The following MYO18B variants were observed in gnomAD, a reference collection of about 807,000 sequenced individuals.
MYO18B encodes the protein unconventional myosin-XVIIIb.
MYO18B carries 204 observed loss-of-function variants against 273.0 expected under a neutral mutation model. The ratio of observed to expected loss-of-function variants is 0.75; its 90% CI spans 0.67 to 0.84. The LOEUF is 0.84. Among genes scored for constraint, MYO18B ranks in the 40% least tolerant of loss-of-function variants. MYO18B has a pLI of 0.00. For missense variants in MYO18B, 3,212 were observed against 3,287.6 expected, an observed-to-expected ratio of 0.98 and a Z score of 0.56; for synonymous variants, 1,330 against 1,305.7, an observed-to-expected ratio of 1.02 and a Z score of -0.40.
chr22:25,808,079 G>T (rs750422011), intron 12 of MYO18B, among the ~76,000 whole-genome samples: 21 of 152,110 alleles, frequency 1.4e-4, no homozygotes, highest in Non-Finnish European at 2.8e-4. Flanking sequence ...TTTGCTCTCT[G>T]TTTTATTACC....
At chr22:25,888,935 C>CACTCTTTTTGAAAGATGTTTTGTTT (rs2091579282) in intron 25 of MYO18B, among the ~76,000 whole-genome samples, 4 of 152,054 alleles carry the variant, frequency 2.6e-5, no homozygotes, top group African/African-American at 9.7e-5. Context: ...AGATTTTGTT[C>CACTCTTTTTGAAAGATGTTTTGTTT]ACTCTTTTTG....
At chr22:25,881,546 G>C (rs537008757) in intron 25 of MYO18B, among the ~76,000 whole-genome samples, 151 of 152,346 alleles carry the variant, frequency 9.9e-4, no homozygotes, top group African/African-American at 3.6e-3. Context: ...CCTTCCCACC[G>C]AGCTGACATT....
chr22:26,042,577 ATGAG>A, the MYO18B span, among the ~76,000 whole-genome samples: 1 of 152,234 alleles, frequency 6.6e-6, no homozygotes, highest in East Asian at 1.9e-4. Flanking sequence ...ATACATAGCT[ATGAG>A]TGTTACAGGA....
chr22:25,967,500 C>CT (rs1295474170), intron 39 of MYO18B, among the ~76,000 whole-genome samples: 1 of 152,016 alleles, frequency 6.6e-6, no homozygotes, highest in Non-Finnish European at 1.5e-5. Flanking sequence ...TTTTACTGTT[C>CT]TTTTTTGACA....
At chr22:25,886,206 G>A (rs947834863) in intron 25 of MYO18B, among the ~76,000 whole-genome samples, 11 of 152,214 alleles carry the variant, frequency 7.2e-5, no homozygotes, top group African/African-American at 2.2e-4. Context: ...CTGTGGTGGC[G>A]ATGGTTATTA....
chr22:25,774,635 C>T (rs1351815236), intron 7 of MYO18B, among the ~76,000 whole-genome samples: 3 of 152,220 alleles, frequency 2.0e-5, no homozygotes, highest in Admixed American at 6.5e-5. Flanking sequence ...ACACTCAAAC[C>T]CACAGCCACC....
At chr22:25,821,029 G>A (rs1162531370) in intron 12 of MYO18B, among the ~76,000 whole-genome samples, 1 of 152,128 alleles carries the variant, frequency 6.6e-6, no homozygotes, top group African/African-American at 2.4e-5. Context: ...TGTCTGAATA[G>A]TATTCCATTG....
chr22:25,826,232 C>T (rs1188240395), intron 13 of MYO18B, among the ~76,000 whole-genome samples, 177 bp from the exon 14 acceptor site: 1 of 152,100 alleles, frequency 6.6e-6, no homozygotes, highest in Non-Finnish European at 1.5e-5. Context: ...CGCTGTAGGC[C>T]CTGAAAGGAC....
intron 11 of MYO18B, among the ~76,000 whole-genome samples, chr22:25,795,008 G>C (rs1475026974): frequency 6.6e-6 from 1 of 152,194 alleles, no homozygotes; most frequent in Non-Finnish European, 1.5e-5. Flanking sequence ...GAAGCACATG[G>C]GATGCAGGCT....
chr22:25,823,458 C>T, intron 12 of MYO18B, 47 bp from the exon 13 acceptor site: 1 of 1,588,398 alleles, frequency 6.3e-7, no homozygotes, highest in South Asian at 1.1e-5. Context: ...TCATTCACCC[C>T]ATGCCCAAGG....
chr22:25,875,625 A>G (rs1314422579), intron 23 of MYO18B, among the ~76,000 whole-genome samples: 1 of 152,228 alleles, frequency 6.6e-6, no homozygotes, highest in Admixed American at 6.5e-5. Flanking sequence ...TCCATCCCAG[A>G]GTGGCTGAAT....
In MYO18B at chr22:25,768,300, C is replaced by T; in HGVS notation, c.384C>T (p.Ala128=). The T allele has an allele frequency of 6.2e-7, 1 of 1,613,864 alleles. No homozygotes were observed. Among genetic ancestry groups the T allele is most frequent in the Non-Finnish European group, 8.5e-7 (1 of 1,179,836 alleles). The change falls in exon 4 of 44, where the codon GCC becomes GCT. Residue 128 remains alanine (A), a synonymous_variant. Coordinates refer to ENST00000335473, the MANE Select transcript of MYO18B (RefSeq NM_032608.7). ...EQMTSINGEK[A]QELGSSATPT... ...TGACAAGCATCAATGGTGAGAAGGC[C>T]CAGGAGCTGGGCTCCAGTGCGACAC...
At chr22:25,874,443 T>C in intron 23 of MYO18B, 29 bp downstream of exon 23, 1 of 1,601,880 alleles carries the variant, frequency 6.2e-7, no homozygotes, top group Non-Finnish European at 8.5e-7. Flanking sequence ...ATGAGGAGTC[T>C]GATCCAACGG....
At chr22:25,797,096 G>T (rs937129641) in intron 11 of MYO18B, among the ~76,000 whole-genome samples, 2 of 152,126 alleles carry the variant, frequency 1.3e-5, no homozygotes, top group Non-Finnish European at 2.9e-5. Context: ...GTGTGGTGGC[G>T]GGTGCCTGTA....
intron 25 of MYO18B, among the ~76,000 whole-genome samples, chr22:25,887,000 G>C (rs1220197891): frequency 6.6e-6 from 1 of 152,220 alleles, no homozygotes; most frequent in Non-Finnish European, 1.5e-5. Context: ...AGTGTGAGCT[G>C]TTTCTCACCC....
At chr22:26,047,871 C>T in the MYO18B span, among the ~76,000 whole-genome samples, 1,619 of 152,216 alleles carry the variant, frequency 0.011, 8 homozygotes, top group Non-Finnish European at 0.017. Flanking sequence ...CCTGTTTACC[C>T]CCTCTGACAT....
chr22:26,016,630 C>G (rs1024664990), intron 42 of MYO18B, among the ~76,000 whole-genome samples: 1 of 152,212 alleles, frequency 6.6e-6, no homozygotes, highest in African/African-American at 2.4e-5. Context: ...CCACAATCCC[C>G]CATCTTTCTG....
Position 25,885,279 on chromosome 22 carries a change from G to A in MYO18B, c.4315-5477G>A, listed in dbSNP as rs116244959. Among the ~76,000 whole-genome samples, 475 of 152,332 alleles carry A rather than the reference G, an allele frequency of 3.1e-3. 2 individuals are homozygous for A. The highest frequency in any genetic ancestry group is 9.9e-3 in the African/African-American group (412 of 41,576). On this transcript the variant is annotated intron_variant, in intron 25 of 43. Coordinates refer to ENST00000335473, the MANE Select transcript of MYO18B (RefSeq NM_032608.7). ...CAAGGGAAGCCCAGAGAGCTGAAGT[G>A]ATTTGTCCTACATCACTCAGCTGGT...
chr22:26,042,242 C>G, the MYO18B span, among the ~76,000 whole-genome samples: 55 of 152,184 alleles, frequency 3.6e-4, no homozygotes, highest in African/African-American at 1.3e-3. Context: ...ACTGAGTGTT[C>G]TCATTTGTGA....
Sources: allele counts gnomAD v4.1 joint callset (sites outside exome capture counted in the v4.1 genomes callset), GRCh38; gene constraint gnomAD v4.1.1; transcripts MANE v1.5; gene names NCBI Gene and HGNC (gene_info 2026-07-23, HGNC 2026-07-21).